The following DAPK1 variants were observed in gnomAD, a reference collection of about 807,000 sequenced individuals.
The protein encoded by DAPK1 is death-associated protein kinase 1.
DAPK1 carries 56 observed loss-of-function variants against 144.9 expected under a neutral mutation model. The observed-to-expected ratio is 0.39, with a 90% CI of 0.31 to 0.48. The LOEUF (loss-of-function observed/expected upper bound fraction) is 0.48. DAPK1 is among the 20% of genes least tolerant of loss of function. The pLI is 0.95. For synonymous variants in DAPK1, 690 were observed against 749.0 expected, an observed-to-expected ratio of 0.92 and a Z score of 1.29; for missense variants, 1,454 against 1,875.4, an observed-to-expected ratio of 0.78 and a Z score of 4.15.
intron 19 of DAPK1, among the ~76,000 whole-genome samples, chr9:87,676,774 C>G (rs1564065150): frequency 6.6e-6 from 1 of 152,176 alleles, no homozygotes; most frequent in East Asian, 1.9e-4. Context: ...TCAGGAAGTG[C>G]CTTCCGAGTG....
chr9:87,668,556 C>T, intron 18 of DAPK1, 41 bp from the exon 19 acceptor site: 1 of 952,184 alleles, frequency 1.1e-6, no homozygotes, highest in South Asian at 1.3e-5. Context: ...ACACAGCTCT[C>T]CTTTTCAGAG....
At chr9:87,539,669 C>T (rs999306924) in intron 2 of DAPK1, among the ~76,000 whole-genome samples, 1 of 151,994 alleles carries the variant, frequency 6.6e-6, no homozygotes, top group Non-Finnish European at 1.5e-5. Context: ...CTGCCCACCT[C>T]GGTCTCCCAA....
intron 3 of DAPK1, among the ~76,000 whole-genome samples, chr9:87,627,575 CAG>C (rs1450028891): frequency 2.6e-5 from 4 of 152,104 alleles, no homozygotes; most frequent in Non-Finnish European, 4.4e-5. Flanking sequence ...AAGATGCAGA[CAG>C]AGTGTCCCCT....
chr9:87,707,708 A>G lies in DAPK1; in HGVS notation c.*344A>G. 2 of 426,572 alleles carry G rather than the reference A, an allele frequency of 4.7e-6. No individual in the cohort carries two copies. The highest frequency in any genetic ancestry group is 3.3e-5 in the Admixed American group (1 of 30,176). 26.4% of individuals were successfully genotyped at this position (426,572 alleles called of 1,614,324 possible). ...TGCTGGAATTCCTAACTTTTCAATG[A>G]CATTTTTTTTAACTACTATATTGAT... On this transcript the variant is annotated 3_prime_UTR_variant, in exon 26 of 26. Coordinates refer to ENST00000408954, the MANE Select transcript of DAPK1 (RefSeq NM_004938.4). This position sits in a 1 kb window ranked among gnomAD's most constrained non-coding sequence, Gnocchi z 4.0.
intron 2 of DAPK1, among the ~76,000 whole-genome samples, chr9:87,569,797 C>G (rs1827267119): frequency 6.6e-6 from 1 of 152,134 alleles, no homozygotes; most frequent in Non-Finnish European, 1.5e-5. Flanking sequence ...GAAGTGGTGC[C>G]AAACAGCTGT....
At position 87,680,370 on chromosome 9, in the gene DAPK1, G is replaced by T. The variant is rs36217787; in HGVS notation, c.2002-1034G>T. ...TCCATGTGCCTCAGCCTCCCAAAGT[G>T]CTGGGATTACAGGCGTGAGCCACCG... On this transcript the variant is annotated intron_variant, in intron 19 of 25. Coordinates refer to ENST00000408954, the MANE Select transcript of DAPK1 (RefSeq NM_004938.4). Among the ~76,000 whole-genome samples, 1,001 of 152,316 alleles carry T rather than the reference G, an allele frequency of 6.6e-3. 13 individuals carry two copies. Among genetic ancestry groups the T allele is most frequent in the African/African-American group, 0.022 (896 of 41,570 alleles).
intron 2 of DAPK1, among the ~76,000 whole-genome samples, chr9:87,547,352 A>G (rs1190354428): frequency 2.0e-5 from 3 of 152,178 alleles, no homozygotes; most frequent in African/African-American, 7.2e-5. Context: ...CTCTAGATCA[A>G]CACGGTTCAA....
chr9:87,567,200 G>A (rs1012903599), intron 2 of DAPK1, among the ~76,000 whole-genome samples: 1 of 152,190 alleles, frequency 6.6e-6, no homozygotes. Flanking sequence ...CTCTCCTCCC[G>A]TGGTGGCTGG....
intron 2 of DAPK1, among the ~76,000 whole-genome samples, chr9:87,588,320 A>G (rs1828006415): frequency 6.6e-6 from 1 of 152,234 alleles, no homozygotes. Context: ...ATCCTTGAAT[A>G]TAGACACAGC....
At chr9:87,645,872 C>G in intron 11 of DAPK1, 23 bp from the exon 12 acceptor site, 1 of 1,611,946 alleles carries the variant, frequency 6.2e-7, no homozygotes, top group Non-Finnish European at 8.5e-7. Flanking sequence ...AACTCTGTTT[C>G]CATCTTGGCT....
Position 87,698,621 on chromosome 9 carries a change from C to T in DAPK1, c.2612-35C>T, listed in dbSNP as rs1203036632. 2.7e-6 allele frequency: 4 copies of T among 1,503,956 alleles called. No individual in the cohort carries two copies. The South Asian group carries it at 3.4e-5, about 13-fold the overall frequency. The allele number at this position is 1,503,956 out of a possible 1,614,324, so 93.2% of individuals were successfully genotyped here. ...CAGGAGAGGCAGCCAGGTAGGAGGA[C>T]CCACCCCCTGAAGCAGTTCCCTCTC... On this transcript the variant is annotated intron_variant, in intron 22 of 25. Transcript: ENST00000408954.
At chr9:87,560,259 G>C (rs1347261451) in intron 2 of DAPK1, among the ~76,000 whole-genome samples, 1 of 152,040 alleles carries the variant, frequency 6.6e-6, no homozygotes, top group Non-Finnish European at 1.5e-5. Flanking sequence ...GCCTCCCAAA[G>C]TACTGAGATT....
intron 3 of DAPK1, among the ~76,000 whole-genome samples, chr9:87,607,883 G>T (rs1828789461): frequency 6.6e-6 from 1 of 152,180 alleles, no homozygotes; most frequent in Non-Finnish European, 1.5e-5. Flanking sequence ...TGGGTAATTT[G>T]TGAAGAAAAG....
rs140078670 is a variant in DAPK1 at position 87,579,750 on chromosome 9, A to G, written c.63-25204A>G. Among the ~76,000 whole-genome samples the G allele has an allele frequency of 3.3e-3, 510 of 152,292 alleles. 5 individuals are homozygous for G. Among genetic ancestry groups the G allele is most frequent in the African/African-American group, 0.012 (496 of 41,556 alleles). On this transcript the variant is annotated intron_variant, in intron 2 of 25. Coordinates refer to ENST00000408954, the MANE Select transcript of DAPK1 (RefSeq NM_004938.4). Reference sequence around the variant, plus strand: ...TCAGGGAAATCAGCTGCAGGAATGAATGATCACCTTACTTTTATTCCAAAG... The same window carrying G: ...TCAGGGAAATCAGCTGCAGGAATGAGTGATCACCTTACTTTTATTCCAAAG...
chr9:87,649,295 T>C (rs2119172410), intron 15 of DAPK1, among the ~76,000 whole-genome samples: 1 of 152,308 alleles, frequency 6.6e-6, no homozygotes, highest in South Asian at 2.1e-4. Context: ...TAGGATGGCC[T>C]CTCATCGGTG....
Position 87,640,380 on chromosome 9 carries a change from G to A in DAPK1, c.712G>A (p.Asp238Asn). The change falls in exon 8 of 26, where the codon GAT (aspartate) becomes AAT (asparagine). Residue 238 changes from aspartate to asparagine, a missense_variant. Coordinates refer to ENST00000408954, the MANE Select transcript of DAPK1 (RefSeq NM_004938.4). Reference sequence around the variant, plus strand: ...ATCCGCTGTCAACTACGAATTTGAGGATGAATACTTCAGTAATACCAGTGC... The same window carrying A: ...ATCCGCTGTCAACTACGAATTTGAGAATGAATACTTCAGTAATACCAGTGC... ...NVSAVNYEFE[D>N]EYFSNTSALA... 1 of 1,614,198 alleles carries A rather than the reference G, an allele frequency of 6.2e-7. No homozygotes were observed. Among genetic ancestry groups the A allele is most frequent in the East Asian group, 2.2e-5 (1 of 44,890 alleles).
intron 3 of DAPK1, among the ~76,000 whole-genome samples, chr9:87,620,112 C>T (rs1387809188): frequency 3.3e-5 from 5 of 152,118 alleles, no homozygotes. Flanking sequence ...TCCAGCAGAG[C>T]GGGGTTTCAG....
intron 2 of DAPK1, among the ~76,000 whole-genome samples, chr9:87,545,834 C>G (rs1433609565): frequency 6.6e-6 from 1 of 152,088 alleles, no homozygotes; most frequent in African/African-American, 2.4e-5. Flanking sequence ...TGTGAGCCAC[C>G]ACACCTGGCC....
Position 87,658,082 on chromosome 9 carries a change from C to T in DAPK1, c.1878C>T (p.Val626=), listed in dbSNP as rs762726458. 4 of 1,549,324 alleles carry T rather than the reference C, an allele frequency of 2.6e-6. No homozygotes were observed. The highest frequency in any genetic ancestry group is 1.1e-5 in the South Asian group (1 of 89,350). ...CCAACAACGGAATCCTAGACGTGGT[C>T]CGGTATCTCTGTCTGATGGGAGCCA... ...LAANNGILDV[V]RYLCLMGASV... Residue 626 remains valine, a synonymous_variant, in exon 18 of 26, where the codon GTC becomes GTT. Coordinates refer to ENST00000408954, the MANE Select transcript of DAPK1 (RefSeq NM_004938.4).
Sources: allele counts gnomAD v4.1 joint callset (sites outside exome capture counted in the v4.1 genomes callset), GRCh38; gene constraint gnomAD v4.1.1; non-coding constraint Gnocchi (gnomAD v3.1); transcripts MANE v1.5; gene names NCBI Gene and HGNC (gene_info 2026-07-23, HGNC 2026-07-21).